ANKRD36: variants seen among roughly 807,000 people sequenced by gnomAD.
ANKRD36 encodes ankyrin repeat domain-containing protein 36A.
In ANKRD36, 179 loss-of-function variants were observed where a neutral mutation model predicts 278.1. That is an observed-to-expected ratio of 0.64 (90% CI 0.57 to 0.73). The LOEUF is 0.73. Ranked by LOEUF, ANKRD36 falls within the 30% of genes least tolerant of loss-of-function variation. ANKRD36 has a pLI of 0.00. For missense variants in ANKRD36, 1,159 were observed against 1,956.7 expected (o/e 0.59, Z 7.69); for synonymous variants, 320 against 641.1 (o/e 0.50, Z 7.57).
chr2:97,222,169 T>G (rs1394834034), intron 66 of ANKRD36, among the ~76,000 whole-genome samples: 1 of 151,948 alleles, frequency 6.6e-6, no homozygotes, highest in Non-Finnish European at 1.5e-5. Context: ...CCAGGCTGTT[T>G]TGGTTACTGT....
chr2:97,116,526 G>A (rs559402288), intron 1 of ANKRD36, among the ~76,000 whole-genome samples: 4 of 151,932 alleles, frequency 2.6e-5, no homozygotes, highest in Non-Finnish European at 5.9e-5. Flanking sequence ...CCCGTGCCTC[G>A]GCCTCCCAAA....
At chr2:97,152,012 C>T (rs1013015388) in intron 13 of ANKRD36, 73 bp downstream of exon 13, 2 of 1,181,670 alleles carry the variant, frequency 1.7e-6, no homozygotes, top group African/African-American at 1.5e-5. Flanking sequence ...CTTTGTGAAA[C>T]ACAGTCTTAC....
chr2:97,220,401 T>A (rs1434868476), intron 66 of ANKRD36, among the ~76,000 whole-genome samples: 111 of 150,810 alleles, frequency 7.4e-4, no homozygotes, highest in Non-Finnish European at 1.1e-3. Flanking sequence ...ACACCCTTCC[T>A]AGACTGTGGT....
intron 6 of ANKRD36, among the ~76,000 whole-genome samples, chr2:97,139,750 A>T (rs900786102): frequency 6.6e-6 from 1 of 152,060 alleles, no homozygotes; most frequent in African/African-American, 2.4e-5. Flanking sequence ...CCCTTAAAGC[A>T]TGTATTTTTG....
At position 97,262,633 on chromosome 2, in the gene ANKRD36, A is replaced by G. The variant is rs143353539; in HGVS notation, c.*7-1696A>G. On this transcript the variant is annotated intron_variant, in intron 75 of 75. Transcript: ENST00000420699. ...ATATTGTGTCAAGATTTGATCCCCA[A>G]TGTTGGAGGTGGGACCTAGTGGGAG... 2.6e-3 allele frequency among the ~76,000 whole-genome samples: 354 copies of G among 134,542 alleles called. 8 individuals carry two copies. The highest frequency in any genetic ancestry group is 9.9e-3 in the African/African-American group (347 of 34,896). 88.3% of individuals were successfully genotyped at this position (134,542 alleles called of 152,430 possible).
At chr2:97,194,521 T>C (rs1450537174) in intron 38 of ANKRD36, among the ~76,000 whole-genome samples, 1 of 151,628 alleles carries the variant, frequency 6.6e-6, no homozygotes, top group African/African-American at 2.4e-5. Context: ...GTGTTTGAAA[T>C]TGTAAGGGTA....
chr2:97,152,649 A>C (rs1172387504), intron 14 of ANKRD36, 115 bp downstream of exon 14: 1 of 884,286 alleles, frequency 1.1e-6, no homozygotes, highest in East Asian at 3.0e-5. Context: ...CATGCTTAAC[A>C]TTTATCATGT....
intron 6 of ANKRD36, among the ~76,000 whole-genome samples, chr2:97,136,878 A>G (rs1324227551): frequency 6.6e-6 from 1 of 152,098 alleles, no homozygotes; most frequent in African/African-American, 2.4e-5. Context: ...TGTTAGAATT[A>G]TGACTATTTT....
chr2:97,229,012 T>C (rs2070948831), intron 67 of ANKRD36, among the ~76,000 whole-genome samples: 1 of 152,138 alleles, frequency 6.6e-6, no homozygotes, highest in Non-Finnish European at 1.5e-5. Flanking sequence ...CACTTTGTTA[T>C]ACTTTCTCTT....
intron 44 of ANKRD36, among the ~76,000 whole-genome samples, chr2:97,199,102 C>G (rs2060587156): frequency 6.6e-6 from 1 of 151,906 alleles, no homozygotes; most frequent in African/African-American, 2.4e-5. Context: ...AACTATTTTC[C>G]TAAGGAAGAT....
intron 22 of ANKRD36, among the ~76,000 whole-genome samples, chr2:97,176,254 A>C (rs1474465839): frequency 1.3e-5 from 2 of 150,840 alleles, no homozygotes; most frequent in African/African-American, 4.9e-5. Context: ...AATGTGTGGG[A>C]GTCTAAGTCT....
At chr2:97,184,399 T>C (rs963838997) in intron 28 of ANKRD36, among the ~76,000 whole-genome samples, 2 of 151,702 alleles carry the variant, frequency 1.3e-5, no homozygotes, top group African/African-American at 4.8e-5. Flanking sequence ...TTAGCTTTTT[T>C]CCAAAGTGCT....
intron 6 of ANKRD36, among the ~76,000 whole-genome samples, chr2:97,136,440 AG>A (rs1265282320): frequency 6.6e-6 from 1 of 151,454 alleles, no homozygotes; most frequent in Non-Finnish European, 1.5e-5. Flanking sequence ...CAAACCAAAG[AG>A]GGGGTCCTGG....
intron 67 of ANKRD36, among the ~76,000 whole-genome samples, chr2:97,226,886 C>T (rs2069890859): frequency 6.6e-6 from 1 of 151,860 alleles, no homozygotes; most frequent in Non-Finnish European, 1.5e-5. Context: ...ATAGGGAATC[C>T]TTTCCCCGTT....
intron 6 of ANKRD36, among the ~76,000 whole-genome samples, chr2:97,141,913 T>A (rs925295458): frequency 7.9e-5 from 12 of 152,354 alleles, no homozygotes; most frequent in Admixed American, 2.6e-4. Flanking sequence ...TTTTATTTTG[T>A]AGAAGTATGT....
intron 22 of ANKRD36, among the ~76,000 whole-genome samples, chr2:97,174,404 A>G (rs1189025141): frequency 6.6e-6 from 1 of 151,604 alleles, no homozygotes; most frequent in Non-Finnish European, 1.5e-5. Flanking sequence ...GGGATAAACC[A>G]CAGTGACTCA....
intron 66 of ANKRD36, among the ~76,000 whole-genome samples, chr2:97,222,496 C>G (rs1315798987): frequency 6.6e-6 from 1 of 152,092 alleles, no homozygotes; most frequent in African/African-American, 2.4e-5. Context: ...TTTCTTAATG[C>G]CTGCCATTTG....
intron 18 of ANKRD36, chr2:97,164,008 A>C: frequency 1.0e-6 from 1 of 985,278 alleles, no homozygotes; most frequent in African/African-American, 1.7e-5. Flanking sequence ...ATTGGTAGAA[A>C]TACTTTTCTA....
In ANKRD36 at chr2:97,113,612, G is replaced by C. The variant is rs1018878574; in HGVS notation, c.-128G>C. 20 of 1,207,208 alleles carry C rather than the reference G, an allele frequency of 1.7e-5. No individual in the cohort carries two copies. The highest frequency in any genetic ancestry group is 2.2e-5 in the Non-Finnish European group (19 of 859,140). The allele number at this position is 1,207,208 out of a possible 1,614,324, so 74.8% of individuals were successfully genotyped here. A position where few individuals can be genotyped will look rare whatever the true frequency, so the allele number is the denominator to read the frequency against. On this transcript the variant is annotated 5_prime_UTR_variant, in exon 1 of 76. Transcript: ENST00000420699. ...CTGTTGGGCGTTTCTGCTGAGAGGC[G>C]GGAGGCGCTGAGAGTCTGTGCGGAG... is the stretch of plus-strand genomic sequence containing the variant.
Sources: gnomAD v4.1 joint callset for allele counts (sites outside exome capture counted in the v4.1 genomes callset) on GRCh38, gnomAD v4.1.1 for gene constraint, MANE v1.5 for transcripts, NCBI Gene and HGNC (gene_info 2026-07-23, HGNC 2026-07-21) for gene names.